Variants in TVP23A observed in about 807,000 individuals in gnomAD.
TVP23A encodes the protein Golgi apparatus membrane protein TVP23 homolog A.
Under a neutral mutation model 31.7 loss-of-function variants are expected in TVP23A, and 21 were observed. That is an observed-to-expected ratio of 0.66 (90% CI 0.47 to 0.95). TVP23A has a LOEUF of 0.95. Among genes scored for constraint, TVP23A ranks in the 40% least tolerant of loss-of-function variants. TVP23A has a pLI of 0.00. For missense variants in TVP23A, 279 were observed against 255.6 expected, an observed-to-expected ratio of 1.09 and a Z score of -0.62; for synonymous variants, 104 against 96.0, an observed-to-expected ratio of 1.08 and a Z score of -0.49.
chr16:10,768,008 T>C lies in TVP23A; in HGVS notation c.*1094A>G, dbSNP rs1477582122. On this transcript the variant is annotated 3_prime_UTR_variant, in exon 8 of 8. Coordinates refer to ENST00000299866, the MANE Select transcript of TVP23A (RefSeq NM_001079512.4). The surrounding 1 kb of genome is among the most constrained non-coding windows in gnomAD (Gnocchi z 4.3). ...TGACGCCCCAGATTCCCCAGCCACG[T>C]TAGCCTACAGAAGTATAATTCAGAG... 1.9e-6 allele frequency: 3 copies of C among 1,614,128 alleles called. No homozygotes were observed. The highest frequency in any genetic ancestry group is 2.5e-6 in the Non-Finnish European group (3 of 1,180,014).
intron 7 of TVP23A, 81 bp downstream of exon 7, chr16:10,770,191 C>CCG: frequency 6.6e-7 from 1 of 1,522,098 alleles, no homozygotes. Context: ...CCCACCCAGA[C>CCG]CCCGGGCCCC....
At chr16:10,771,483 C>T (rs542233057) in intron 6 of TVP23A, among the ~76,000 whole-genome samples, 187 bp downstream of exon 6, 1 of 152,142 alleles carries the variant, frequency 6.6e-6, no homozygotes, top group African/African-American at 2.4e-5. Context: ...TGCAATAGGC[C>T]GCGATCACAC....
chr16:10,778,152 G>A (rs2032186984), intron 2 of TVP23A, among the ~76,000 whole-genome samples: 2 of 152,244 alleles, frequency 1.3e-5, no homozygotes, highest in South Asian at 4.2e-4. Flanking sequence ...TGGCCAACAT[G>A]GTAAAACTCC....
intron 2 of TVP23A, among the ~76,000 whole-genome samples, chr16:10,801,436 T>G (rs2033689615): frequency 6.6e-6 from 1 of 152,098 alleles, no homozygotes; most frequent in Non-Finnish European, 1.5e-5. Context: ...CCAGAATAAC[T>G]AAATGCAATG....
At chr16:10,804,523 G>C (rs2033853264) in intron 2 of TVP23A, among the ~76,000 whole-genome samples, 1 of 152,210 alleles carries the variant, frequency 6.6e-6, no homozygotes, top group African/African-American at 2.4e-5. Flanking sequence ...CAAGGCAAGA[G>C]GATTGCCTGA....
chr16:10,786,434 T>C (rs1373212119), intron 2 of TVP23A, among the ~76,000 whole-genome samples: 1 of 148,086 alleles, frequency 6.8e-6, no homozygotes, highest in African/African-American at 2.6e-5. Context: ...GGAGAACTTG[T>C]CAAAAAAAAA....
chr16:10,770,314 A>T lies in TVP23A; in HGVS notation c.600T>A (p.Phe200Leu), dbSNP rs1378790334. 28 of 1,551,164 alleles carry T rather than the reference A, an allele frequency of 1.8e-5. No homozygotes were observed. The highest frequency in any genetic ancestry group is 2.4e-5 in the Non-Finnish European group (27 of 1,146,994). ...TVFQTACPGD[F>L]QKPGLEGLEI... ...CCAGCCCCTCGAGGCCAGGCTTCTGAAAGTCACCTGGGCAGGCCTGCAAGG... is the reference window on the plus strand; with the variant it reads ...CCAGCCCCTCGAGGCCAGGCTTCTGTAAGTCACCTGGGCAGGCCTGCAAGG... The change falls in exon 7 of 8, where the codon TTT (phenylalanine) becomes TTA (leucine). Residue 200 changes from phenylalanine (F) to leucine (L), a missense_variant. Transcript: ENST00000299866.
At chr16:10,773,589 G>T in intron 4 of TVP23A, 148 bp from the exon 5 acceptor site, 1 of 1,089,778 alleles carries the variant, frequency 9.2e-7, no homozygotes, top group Non-Finnish European at 1.3e-6. Context: ...TTTTGTTTTT[G>T]AGACAAAGTC....
At chr16:10,809,669 C>T (rs1400349868) in intron 2 of TVP23A, among the ~76,000 whole-genome samples, 2 of 152,288 alleles carry the variant, frequency 1.3e-5, no homozygotes, top group East Asian at 1.9e-4. Context: ...AGCCTATTTG[C>T]ACCTGCCAGC....
chr16:10,807,040 G>A (rs367746788), intron 2 of TVP23A, among the ~76,000 whole-genome samples: 2 of 152,288 alleles, frequency 1.3e-5, no homozygotes, highest in African/African-American at 4.8e-5. Context: ...ACCTGCTTAT[G>A]TGTCATATTT....
At chr16:10,807,232 T>C (rs138854975) in intron 2 of TVP23A, among the ~76,000 whole-genome samples, 7 of 152,298 alleles carry the variant, frequency 4.6e-5, no homozygotes, top group African/African-American at 1.7e-4. Context: ...TGTGTGTGCA[T>C]GTCTGTGCGT....
intron 3 of TVP23A, among the ~76,000 whole-genome samples, chr16:10,774,404 A>G (rs2031851021): frequency 6.6e-6 from 1 of 152,124 alleles, no homozygotes; most frequent in Non-Finnish European, 1.5e-5. Context: ...TACAAGTGAT[A>G]TGGTTTGGCT....
chr16:10,784,470 A>T (rs1477752597), intron 2 of TVP23A, among the ~76,000 whole-genome samples: 1 of 151,994 alleles, frequency 6.6e-6, no homozygotes, highest in African/African-American at 2.4e-5. Context: ...CTAAGGTGGG[A>T]GGATGGCTTG....
At chr16:10,784,346 T>C (rs1356239946) in intron 2 of TVP23A, among the ~76,000 whole-genome samples, 2 of 134,504 alleles carry the variant, frequency 1.5e-5, no homozygotes. Flanking sequence ...AGAAAAAATA[T>C]CAACCTGGGC....
intron 2 of TVP23A, among the ~76,000 whole-genome samples, chr16:10,804,268 G>A (rs1596562686): frequency 6.6e-6 from 1 of 152,172 alleles, no homozygotes; most frequent in East Asian, 1.9e-4. Context: ...CCTGGAAAAT[G>A]CTTTCGTTGG....
intron 2 of TVP23A, among the ~76,000 whole-genome samples, chr16:10,804,990 G>C (rs371195077): frequency 9.2e-5 from 14 of 151,842 alleles, no homozygotes; most frequent in African/African-American, 3.4e-4. Flanking sequence ...CCTCTGTCTC[G>C]GTGTGTTCAT....
At chr16:10,795,205 T>G (rs555882091) in intron 2 of TVP23A, among the ~76,000 whole-genome samples, 1 of 151,822 alleles carries the variant, frequency 6.6e-6, no homozygotes, top group South Asian at 2.1e-4. Context: ...GTGGGACAAT[T>G]TGAGTAGCAA....
rs780314321 is a variant in TVP23A at position 10,767,948 on chromosome 16, G to T, written c.*1154C>A. The T allele has an allele frequency of 6.2e-7, 1 of 1,614,026 alleles. No homozygotes were observed. Among genetic ancestry groups the T allele is most frequent in the Non-Finnish European group, 8.5e-7 (1 of 1,179,942 alleles). ...TGTCTTCCGTTTGTTTCTTTTTTAA[G>T]GTAAGAATTGTGACAAAGGCCAGTC... On this transcript the variant is annotated 3_prime_UTR_variant, in exon 8 of 8. Coordinates refer to ENST00000299866, the MANE Select transcript of TVP23A (RefSeq NM_001079512.4). The surrounding 1 kb of genome is among the most constrained non-coding windows in gnomAD (Gnocchi z 4.6).
intron 2 of TVP23A, among the ~76,000 whole-genome samples, chr16:10,789,976 G>A (rs888152683): frequency 2.0e-5 from 3 of 152,292 alleles, no homozygotes; most frequent in African/African-American, 7.2e-5. Context: ...ACAATTGGTT[G>A]AGTCTAAAGA....
Sources: gnomAD v4.1 joint callset for allele counts (sites outside exome capture counted in the v4.1 genomes callset) on GRCh38, gnomAD v4.1.1 for gene constraint, Gnocchi (gnomAD v3.1) non-coding constraint, MANE v1.5 for transcripts, NCBI Gene and HGNC (gene_info 2026-07-23, HGNC 2026-07-21) for gene names.